ERN1: variants seen among roughly 807,000 people sequenced by gnomAD.
The protein encoded by ERN1 is endoplasmic reticulum to nucleus signaling 1.
ERN1 carries 39 observed loss-of-function variants against 113.1 expected under a neutral mutation model. That is an observed-to-expected ratio of 0.34 (90% CI 0.27 to 0.45). ERN1 has a LOEUF of 0.45. Ranked by LOEUF, ERN1 falls within the 20% of genes least tolerant of loss-of-function variation. The probability of loss-of-function intolerance (pLI) is 1.00; values close to 1 mark genes in which losing one functional copy is unlikely to be tolerated. For synonymous variants in ERN1, 507 were observed against 515.9 expected (o/e 0.98, Z 0.23); for missense variants, 976 against 1,274.8 (o/e 0.77, Z 3.57).
intron 19 of ERN1, among the ~76,000 whole-genome samples, chr17:64,047,286 C>T (rs912012584): frequency 3.3e-5 from 5 of 152,106 alleles, no homozygotes; most frequent in African/African-American, 4.8e-5. Flanking sequence ...CACTTGAACC[C>T]GGGAGGCAGA....
At chr17:64,101,615 C>T (rs1914387030) in intron 1 of ERN1, among the ~76,000 whole-genome samples, 1 of 152,114 alleles carries the variant, frequency 6.6e-6, no homozygotes, top group Non-Finnish European at 1.5e-5. Flanking sequence ...CAGCAAGTGC[C>T]TAAGTTCCAC....
At chr17:64,113,653 G>C (rs1413779547) in intron 1 of ERN1, among the ~76,000 whole-genome samples, 1 of 149,854 alleles carries the variant, frequency 6.7e-6, no homozygotes, top group East Asian at 2.0e-4. Context: ...GGGATTATAG[G>C]CACGAGTCAC....
chr17:64,098,901 C>A (rs1447662763), intron 1 of ERN1, among the ~76,000 whole-genome samples: 1 of 152,152 alleles, frequency 6.6e-6, no homozygotes, highest in Non-Finnish European at 1.5e-5. Context: ...TAACCAAAGG[C>A]TGTGACATTT....
At chr17:64,080,735 C>T in intron 3 of ERN1, 40 bp downstream of exon 3, 1 of 1,592,330 alleles carries the variant, frequency 6.3e-7, no homozygotes. Flanking sequence ...ATGAAGAAGA[C>T]TGAATTAAAG....
At chr17:64,065,747 GA>G (rs1292551531) in intron 8 of ERN1, among the ~76,000 whole-genome samples, 2 of 152,120 alleles carry the variant, frequency 1.3e-5, no homozygotes, top group East Asian at 3.9e-4. Context: ...GAACTCCTGA[GA>G]AATGGTCAGC....
chr17:64,048,730 T>A (rs1004517770), intron 18 of ERN1, among the ~76,000 whole-genome samples: 1 of 152,090 alleles, frequency 6.6e-6, no homozygotes, highest in Admixed American at 6.5e-5. Flanking sequence ...CAAATGCCAG[T>A]GCAGGAAGGG....
chr17:64,098,117 T>C lies in ERN1; in HGVS notation c.175+4A>G. The C allele has an allele frequency of 6.2e-7, 1 of 1,613,908 alleles. No individual in the cohort carries two copies. The highest frequency in any genetic ancestry group is 8.5e-7 in the Non-Finnish European group (1 of 1,179,822). On this transcript the variant is annotated splice_donor_region_variant and intron_variant, in intron 2 of 21. Transcript: ENST00000433197. ...ATGTCGCCCAAGGACCAAATCCAAA[T>C]TACCTTCTTTTAAAGTCCATTTGAT...
intron 2 of ERN1, among the ~76,000 whole-genome samples, chr17:64,081,962 A>T (rs1345238106): frequency 6.6e-6 from 1 of 151,930 alleles, no homozygotes; most frequent in East Asian, 1.9e-4. Flanking sequence ...AGCAACCAAA[A>T]CCCCACAGCC....
In ERN1 at chr17:64,052,908, T is replaced by C; in HGVS notation, c.2125A>G (p.Ile709Val). Reference sequence around the variant, plus strand: ...TTCTTGCAGAGGCCAAAGTCGGAGATCATGGCCTTGATCTTGCCGTGTGCA... The same window carrying C: ...TTCTTGCAGAGGCCAAAGTCGGAGACCATGGCCTTGATCTTGCCGTGTGCA... ...PNAHGKIKAM[I>V]SDFGLCKKLA... is the part of the protein sequence containing the mutation. The change falls in exon 17 of 22, where the codon ATC (isoleucine) becomes GTC (valine). Residue 709 changes from isoleucine (I) to valine (V), a missense_variant. Transcript: ENST00000433197. 1 of 1,613,874 alleles carries C rather than the reference T, an allele frequency of 6.2e-7. No homozygotes were observed. The highest frequency in any genetic ancestry group is 1.3e-5 in the African/African-American group (1 of 75,020).
chr17:64,121,052 T>C (rs1452430113), intron 1 of ERN1, among the ~76,000 whole-genome samples: 2 of 152,152 alleles, frequency 1.3e-5, no homozygotes, highest in Non-Finnish European at 2.9e-5. Flanking sequence ...GCAAGGGAAG[T>C]GAGACACACT....
chr17:64,086,213 C>T (rs1005706459), intron 2 of ERN1, among the ~76,000 whole-genome samples: 1 of 152,206 alleles, frequency 6.6e-6, no homozygotes, highest in Non-Finnish European at 1.5e-5. Flanking sequence ...TTGAAAAACA[C>T]ACACCCATGT....
rs1912270849 is a variant in ERN1 at position 64,039,312 on chromosome 17, A to T, written c.*4676T>A. On this transcript the variant is annotated 3_prime_UTR_variant, in exon 22 of 22. Transcript: ENST00000433197. ...TAAAAGTTGTACAATCTGGCAGTTTATAAAATATAAAGCTAAAAAGAGGAT... is the reference window on the plus strand; with the variant it reads ...TAAAAGTTGTACAATCTGGCAGTTTTTAAAATATAAAGCTAAAAAGAGGAT... 1 of 152,256 alleles carries T rather than the reference A, an allele frequency of 6.6e-6. No homozygotes were observed. The highest frequency in any genetic ancestry group is 1.5e-5 in the Non-Finnish European group (1 of 68,044). 9.4% of individuals were successfully genotyped at this position (152,256 alleles called of 1,614,324 possible).
At chr17:64,070,356 T>C (rs1411151166) in intron 6 of ERN1, among the ~76,000 whole-genome samples, 3 of 152,180 alleles carry the variant, frequency 2.0e-5, no homozygotes, top group African/African-American at 4.8e-5. Flanking sequence ...ATGGAGGCAA[T>C]GGATTTACAC....
intron 1 of ERN1, among the ~76,000 whole-genome samples, chr17:64,098,922 G>A (rs1213810198): frequency 6.6e-6 from 1 of 152,096 alleles, no homozygotes; most frequent in East Asian, 1.9e-4. Flanking sequence ...CCCATCCATT[G>A]CTAGTAGCAC....
chr17:64,101,750 A>C (rs928038505), intron 1 of ERN1, among the ~76,000 whole-genome samples: 1 of 152,220 alleles, frequency 6.6e-6, no homozygotes, highest in Non-Finnish European at 1.5e-5. Context: ...GCATCCAAGA[A>C]TAAGAAGAGT....
Position 64,072,970 on chromosome 17 carries a change from T to C in ERN1, c.356-867A>G, listed in dbSNP as rs187794319. On this transcript the variant is annotated intron_variant, in intron 5 of 21. Coordinates refer to ENST00000433197, the MANE Select transcript of ERN1 (RefSeq NM_001433.5). ...TTTGGAGACTCTTAGAAGAAGAATA[T>C]TGAGATGCTGGAGAAGGTCACAGAG... 2.1e-3 allele frequency among the ~76,000 whole-genome samples: 319 copies of C among 152,096 alleles called. 4 individuals are homozygous for C. Among genetic ancestry groups the C allele is most frequent in the African/African-American group, 7.4e-3 (306 of 41,510 alleles).
intron 11 of ERN1, among the ~76,000 whole-genome samples, chr17:64,060,058 T>G (rs555297269): frequency 1.3e-5 from 2 of 152,010 alleles, no homozygotes; most frequent in African/African-American, 4.8e-5. Flanking sequence ...TTTTTACCCA[T>G]GTGAGCCCAT....
At position 64,044,975 on chromosome 17, in the gene ERN1, T is replaced by C. The variant is rs1177068862; in HGVS notation, c.2654-48A>G. On this transcript the variant is annotated intron_variant, in intron 20 of 21. Coordinates refer to ENST00000433197, the MANE Select transcript of ERN1 (RefSeq NM_001433.5). The surrounding 1 kb of genome is among the most constrained non-coding windows in gnomAD (Gnocchi z 4.1). The stretch of plus-strand genomic sequence containing the variant: ...AATGGGTAATCAAATTTAAAACTAA[T>C]ACATTTTAAAAGAAAACAATTCATG... 1 of 1,338,714 alleles carries C rather than the reference T, an allele frequency of 7.5e-7. No homozygotes were observed. The highest frequency in any genetic ancestry group is 1.1e-6 in the Non-Finnish European group (1 of 951,634). 82.9% of individuals were successfully genotyped at this position (1,338,714 alleles called of 1,614,324 possible).
At chr17:64,129,141 A>C (rs1287099553) in intron 1 of ERN1, 1 of 152,132 alleles carries the variant, frequency 6.6e-6, no homozygotes, top group East Asian at 1.9e-4. Context: ...AGTGCCCCCA[A>C]ATCCACAGCT....
Sources: allele counts gnomAD v4.1 joint callset (sites outside exome capture counted in the v4.1 genomes callset), GRCh38; gene constraint gnomAD v4.1.1; non-coding constraint Gnocchi (gnomAD v3.1); transcripts MANE v1.5; gene names NCBI Gene and HGNC (gene_info 2026-07-23, HGNC 2026-07-21).